The following HSD17B12 variants were observed in gnomAD, a reference collection of about 807,000 sequenced individuals.
HSD17B12 encodes very-long-chain 3-oxoacyl-CoA reductase.
Under a neutral mutation model 39.3 loss-of-function variants are expected in HSD17B12, and 32 were observed. That is an observed-to-expected ratio of 0.81 (90% CI 0.61 to 1.09). The LOEUF is 1.09. Ranked by LOEUF, HSD17B12 falls within the 50% of genes least tolerant of loss-of-function variation. The probability of loss-of-function intolerance (pLI) is 0.00; values close to 1 mark genes in which losing one functional copy is unlikely to be tolerated. For missense variants in HSD17B12, 342 were observed against 382.9 expected (o/e 0.89, Z 0.89); for synonymous variants, 150 against 146.7 (o/e 1.02, Z -0.16).
chr11:43,780,398 C>T (rs537368111), intron 3 of HSD17B12, among the ~76,000 whole-genome samples: 1 of 152,204 alleles, frequency 6.6e-6, no homozygotes, highest in East Asian at 1.9e-4. Flanking sequence ...AAACTCCTGA[C>T]CTCAGGTGAT....
At chr11:43,795,059 A>G (rs7936825) in intron 3 of HSD17B12, among the ~76,000 whole-genome samples, 54,675 of 151,964 alleles carry the variant, frequency 0.36, 10,567 homozygotes, top group East Asian at 0.68. Context: ...GAAGATGGAA[A>G]TGAGGGCTGT....
the HSD17B12 span, among the ~76,000 whole-genome samples, chr11:43,592,900 G>T: frequency 3.3e-5 from 5 of 152,096 alleles, no homozygotes; most frequent in Admixed American, 2.6e-4. Flanking sequence ...CATTTACTGA[G>T]AAGAGAGGAG....
intron 7 of HSD17B12, chr11:43,833,468 A>G (rs1394965651): frequency 6.6e-6 from 1 of 152,168 alleles, no homozygotes; most frequent in African/African-American, 2.4e-5. Flanking sequence ...TTTTAAGGGA[A>G]GTTTCACTTC....
the HSD17B12 span, among the ~76,000 whole-genome samples, chr11:43,564,930 C>T: frequency 6.9e-6 from 1 of 145,310 alleles, no homozygotes; most frequent in African/African-American, 2.6e-5. Flanking sequence ...GACAGATTCT[C>T]ACTCTGTCAC....
intron 6 of HSD17B12, among the ~76,000 whole-genome samples, chr11:43,821,652 G>T (rs1477286401): frequency 6.6e-6 from 1 of 152,104 alleles, no homozygotes; most frequent in Admixed American, 6.5e-5. Flanking sequence ...AACTGCTATT[G>T]ATTGCTATTA....
At chr11:43,760,657 CA>C (rs1225107507) in intron 3 of HSD17B12, among the ~76,000 whole-genome samples, 2 of 152,096 alleles carry the variant, frequency 1.3e-5, no homozygotes, top group African/African-American at 4.8e-5. Flanking sequence ...TGAATTTGAC[CA>C]AATAAGTTTG....
intron 3 of HSD17B12, among the ~76,000 whole-genome samples, chr11:43,781,260 T>A (rs1166319788): frequency 6.6e-6 from 1 of 152,212 alleles, no homozygotes; most frequent in East Asian, 1.9e-4. Flanking sequence ...GATGCCTGAT[T>A]AAAGAAATTA....
the HSD17B12 span, among the ~76,000 whole-genome samples, chr11:43,589,892 A>G: frequency 6.6e-6 from 1 of 152,216 alleles, no homozygotes; most frequent in Non-Finnish European, 1.5e-5. Context: ...ACTCTGAGCC[A>G]GTTTCCTCAT....
chr11:43,670,724 C>T, the HSD17B12 span, among the ~76,000 whole-genome samples: 8 of 151,996 alleles, frequency 5.3e-5, no homozygotes, highest in Non-Finnish European at 8.8e-5. Flanking sequence ...GGCCTTGTCT[C>T]TACAAAAAAT....
the HSD17B12 span, among the ~76,000 whole-genome samples, chr11:43,578,211 A>C: frequency 6.6e-6 from 1 of 152,224 alleles, no homozygotes; most frequent in African/African-American, 2.4e-5. Flanking sequence ...TTATTAAAAA[A>C]TATAAACTCG....
the HSD17B12 span, among the ~76,000 whole-genome samples, chr11:43,654,992 G>C: frequency 1.9e-4 from 29 of 152,212 alleles, no homozygotes; most frequent in Middle Eastern, 3.4e-3. Context: ...AAATTACCTT[G>C]GGCAGTATGG....
intron 1 of HSD17B12, chr11:43,718,716 A>C: frequency 8.4e-7 from 1 of 1,194,958 alleles, no homozygotes; most frequent in East Asian, 2.3e-5. Context: ...GCCCCTCCTA[A>C]AGCTGAAGCC....
intron 6 of HSD17B12, among the ~76,000 whole-genome samples, chr11:43,822,992 C>G (rs979146989): frequency 6.6e-6 from 1 of 151,994 alleles, no homozygotes; most frequent in African/African-American, 2.4e-5. Flanking sequence ...ATATTAATTT[C>G]TTTTTACTCT....
intron 4 of HSD17B12, among the ~76,000 whole-genome samples, chr11:43,814,217 T>C (rs568205601): frequency 5.5e-4 from 83 of 152,104 alleles, no homozygotes; most frequent in Non-Finnish European, 1.0e-3. Flanking sequence ...GGTTTTAACA[T>C]AGTGGTTAAA....
chr11:43,632,460 GA>G, the HSD17B12 span, among the ~76,000 whole-genome samples: 1 of 152,188 alleles, frequency 6.6e-6, no homozygotes, highest in African/African-American at 2.4e-5. Context: ...GATGTCATTG[GA>G]AGGGTGTGGA....
At chr11:43,753,998 T>G (rs774474541) in intron 2 of HSD17B12, 48 bp from the exon 3 acceptor site, 1 of 1,276,822 alleles carries the variant, frequency 7.8e-7, no homozygotes, top group Non-Finnish European at 1.1e-6. Context: ...CATTAATGTT[T>G]TTCAGTGACA....
the HSD17B12 span, among the ~76,000 whole-genome samples, chr11:43,604,472 G>T: frequency 6.6e-6 from 1 of 152,118 alleles, no homozygotes; most frequent in Non-Finnish European, 1.5e-5. Flanking sequence ...GCTTTAGCTT[G>T]TTTTTGTGAT....
At chr11:43,598,585 C>G in the HSD17B12 span, among the ~76,000 whole-genome samples, 2 of 152,086 alleles carry the variant, frequency 1.3e-5, no homozygotes, top group Non-Finnish European at 2.9e-5. Flanking sequence ...GCTTTGTTTT[C>G]TTGTGCTCTG....
intron 5 of HSD17B12, 147 bp downstream of exon 5, chr11:43,815,648 T>G: frequency 2.1e-6 from 1 of 475,810 alleles, no homozygotes; most frequent in Non-Finnish European, 3.9e-6. Context: ...GGTATGGGCC[T>G]AGCCATACTT....
Sources: allele counts gnomAD v4.1 joint callset (sites outside exome capture counted in the v4.1 genomes callset), GRCh38; gene constraint gnomAD v4.1.1; transcripts MANE v1.5; gene names NCBI Gene and HGNC (gene_info 2026-07-23, HGNC 2026-07-21).